Variants in SLC25A13 observed in about 807,000 individuals in gnomAD.
SLC25A13 encodes the protein solute carrier family 25 member 13.
SLC25A13 carries 70 observed loss-of-function variants against 85.5 expected under a neutral mutation model. That is an observed-to-expected ratio of 0.82 (90% CI 0.68 to 1.00). SLC25A13 has a LOEUF of 1.00. Ranked by LOEUF, SLC25A13 falls within the 50% of genes least tolerant of loss-of-function variation. SLC25A13 has a pLI of 0.00. For synonymous variants in SLC25A13, 259 were observed against 288.7 expected (o/e 0.90, Z 1.04); for missense variants, 765 against 819.8 (o/e 0.93, Z 0.82).
chr7:96,182,525 T>C (rs1235269993), intron 11 of SLC25A13, among the ~76,000 whole-genome samples: 1 of 152,192 alleles, frequency 6.6e-6, no homozygotes, highest in Non-Finnish European at 1.5e-5. Flanking sequence ...CTGTACCTAA[T>C]ATATTGACTT....
At chr7:96,182,405 ACAGC>A (rs1762105757) in intron 11 of SLC25A13, among the ~76,000 whole-genome samples, 2 of 152,240 alleles carry the variant, frequency 1.3e-5, no homozygotes, top group South Asian at 4.1e-4. Flanking sequence ...ATCCTGACAG[ACAGC>A]TCTGTCTCTT....
chr7:96,315,650 G>A (rs981540708), intron 1 of SLC25A13, among the ~76,000 whole-genome samples: 1 of 152,144 alleles, frequency 6.6e-6, no homozygotes, highest in Non-Finnish European at 1.5e-5. Context: ...AAACAGTGGA[G>A]CCATAGATAT....
At chr7:96,182,386 C>T (rs1317726759) in intron 11 of SLC25A13, among the ~76,000 whole-genome samples, 1 of 152,196 alleles carries the variant, frequency 6.6e-6, no homozygotes, top group Middle Eastern at 3.2e-3. Flanking sequence ...TATTCACACT[C>T]TACTCATCAT....
At chr7:96,204,256 GA>G (rs1045992796) in intron 5 of SLC25A13, among the ~76,000 whole-genome samples, 9 of 152,284 alleles carry the variant, frequency 5.9e-5, no homozygotes, top group African/African-American at 2.2e-4. Flanking sequence ...ACATTATACA[GA>G]TATTAGTTAT....
chr7:96,144,248 G>A (rs149649512), intron 14 of SLC25A13, among the ~76,000 whole-genome samples: 121 of 152,168 alleles, frequency 8.0e-4, no homozygotes, highest in African/African-American at 2.7e-3. Flanking sequence ...TATAAATGAG[G>A]ACCAACCAGA....
At chr7:96,193,364 GA>G (rs1367641980) in intron 5 of SLC25A13, among the ~76,000 whole-genome samples, 181 bp from the exon 6 acceptor site, 1 of 152,128 alleles carries the variant, frequency 6.6e-6, no homozygotes, top group Admixed American at 6.5e-5. Context: ...ACTTTGCTCA[GA>G]CCAATGAACA....
intron 4 of SLC25A13, among the ~76,000 whole-genome samples, chr7:96,215,065 T>C (rs1035198734): frequency 5.9e-5 from 9 of 152,104 alleles, no homozygotes; most frequent in Non-Finnish European, 1.3e-4. Flanking sequence ...AACAATCCAT[T>C]ATGAAAATTC....
intron 4 of SLC25A13, among the ~76,000 whole-genome samples, chr7:96,221,010 GTGA>G (rs1475446879): frequency 1.3e-5 from 2 of 152,172 alleles, no homozygotes; most frequent in African/African-American, 2.4e-5. Flanking sequence ...TTAAAATGGA[GTGA>G]TGAAGTAGCA....
In SLC25A13 at chr7:96,306,193, A is replaced by G. The variant is rs576016348; in HGVS notation, c.16-9242T>C. On this transcript the variant is annotated intron_variant, in intron 1 of 17. Coordinates refer to ENST00000265631, the MANE Select transcript of SLC25A13 (RefSeq NM_014251.3). ...TGATTGCAAATCTATGATTTCAGCC[A>G]TTATGTGACACTGTCCTTCAGAGGA... is the stretch of plus-strand genomic sequence containing the variant. 1.4e-4 allele frequency among the ~76,000 whole-genome samples: 22 copies of G among 152,330 alleles called. 1 individual carries two copies. The South Asian group carries it at 4.6e-3, about 32-fold the overall frequency.
At chr7:96,139,392 TC>T (rs1792428266) in intron 14 of SLC25A13, among the ~76,000 whole-genome samples, 1 of 152,142 alleles carries the variant, frequency 6.6e-6, no homozygotes, top group African/African-American at 2.4e-5. Context: ...TTTTAAAAGT[TC>T]TTTTTTTTTC....
chr7:96,304,271 T>C (rs1407685043), intron 1 of SLC25A13, among the ~76,000 whole-genome samples: 1 of 152,190 alleles, frequency 6.6e-6, no homozygotes, highest in Non-Finnish European at 1.5e-5. Context: ...CAAAACTTCA[T>C]TTCACTCAAC....
At chr7:96,219,596 T>C (rs1584471902) in intron 4 of SLC25A13, 1 of 477,664 alleles carries the variant, frequency 2.1e-6, no homozygotes. Context: ...TCATTTGAAG[T>C]AGGAACTACA....
chr7:96,222,688 C>T (rs1796178809), intron 4 of SLC25A13, among the ~76,000 whole-genome samples: 1 of 152,160 alleles, frequency 6.6e-6, no homozygotes, highest in Non-Finnish European at 1.5e-5. Context: ...TTGTGATCCG[C>T]CCGCCTCAGC....
intron 13 of SLC25A13, chr7:96,169,821 G>A (rs926353607): frequency 5.3e-6 from 3 of 565,824 alleles, no homozygotes; most frequent in Admixed American, 3.1e-5. Context: ...AAGCAATGAC[G>A]AATTTAACAG....
At chr7:96,146,447 C>T in intron 14 of SLC25A13, 109 bp downstream of exon 14, 1 of 1,420,558 alleles carries the variant, frequency 7.0e-7, no homozygotes, top group Non-Finnish European at 9.7e-7. Flanking sequence ...AGAACATCTT[C>T]TCCAGGTGTA....
intron 3 of SLC25A13, among the ~76,000 whole-genome samples, chr7:96,261,722 T>C (rs1192749419): frequency 6.6e-6 from 1 of 152,226 alleles, no homozygotes; most frequent in African/African-American, 2.4e-5. Flanking sequence ...TAGTCCATTT[T>C]ATGCTTCTAG....
At chr7:96,263,834 T>C (rs1454693241) in intron 3 of SLC25A13, among the ~76,000 whole-genome samples, 1 of 152,182 alleles carries the variant, frequency 6.6e-6, no homozygotes, top group African/African-American at 2.4e-5. Context: ...CTCTAGACTT[T>C]ACTTGCCATT....
chr7:96,165,208 G>C (rs1474376450), intron 13 of SLC25A13, among the ~76,000 whole-genome samples: 4 of 152,160 alleles, frequency 2.6e-5, no homozygotes, highest in African/African-American at 9.7e-5. Flanking sequence ...AAGTTATACA[G>C]AATGTTTGAA....
chr7:96,259,454 A>G (rs1797761672), intron 3 of SLC25A13, among the ~76,000 whole-genome samples: 1 of 152,232 alleles, frequency 6.6e-6, no homozygotes, highest in Non-Finnish European at 1.5e-5. Flanking sequence ...ACATATGAAA[A>G]AAAGCTCATC....
Sources: allele counts gnomAD v4.1 joint callset (sites outside exome capture counted in the v4.1 genomes callset), GRCh38; gene constraint gnomAD v4.1.1; transcripts MANE v1.5; gene names NCBI Gene and HGNC (gene_info 2026-07-23, HGNC 2026-07-21).